The following VLDLR variants were observed in gnomAD, a reference collection of about 807,000 sequenced individuals.
The protein encoded by VLDLR is very low-density lipoprotein receptor.
In VLDLR, 81 loss-of-function variants were observed where a neutral mutation model predicts 112.7. That is an observed-to-expected ratio of 0.72 (90% CI 0.60 to 0.86). The LOEUF is 0.86. Among genes scored for constraint, VLDLR ranks in the 40% least tolerant of loss-of-function variants. The probability of loss-of-function intolerance (pLI) is 0.00; values close to 1 mark genes in which losing one functional copy is unlikely to be tolerated. For missense variants in VLDLR, 1,237 were observed against 1,099.4 expected, an observed-to-expected ratio of 1.13 and a Z score of -1.77; for synonymous variants, 436 against 384.8, an observed-to-expected ratio of 1.13 and a Z score of -1.56.
At chr9:2,650,928 T>A (rs1338372792) in intron 15 of VLDLR, among the ~76,000 whole-genome samples, 3 of 152,140 alleles carry the variant, frequency 2.0e-5, no homozygotes, top group African/African-American at 7.2e-5. Flanking sequence ...GAATTTGCAT[T>A]TAGTCTTCTG....
At chr9:2,642,867 T>G (rs1422876442) in intron 4 of VLDLR, among the ~76,000 whole-genome samples, 1 of 152,236 alleles carries the variant, frequency 6.6e-6, no homozygotes, top group African/African-American at 2.4e-5. Flanking sequence ...TGTTACAGTT[T>G]GTTATTTATG....
chr9:2,649,065 C>T (rs1187991434), intron 14 of VLDLR, among the ~76,000 whole-genome samples: 1 of 152,180 alleles, frequency 6.6e-6, no homozygotes, highest in East Asian at 1.9e-4. Context: ...TCATTCATGT[C>T]CCCTTGGCCT....
chr9:2,628,357 C>A (rs1263446627), intron 1 of VLDLR, among the ~76,000 whole-genome samples: 1 of 152,130 alleles, frequency 6.6e-6, no homozygotes, highest in Non-Finnish European at 1.5e-5. Flanking sequence ...ACAAGGGCAA[C>A]ATGAACAAAC....
chr9:2,638,615 T>G (rs996383280), intron 2 of VLDLR, among the ~76,000 whole-genome samples: 6 of 152,298 alleles, frequency 3.9e-5, no homozygotes, highest in Non-Finnish European at 8.8e-5. Context: ...CCTTCATGGG[T>G]AGGATAATCA....
rs887347616 is a variant in VLDLR at position 2,652,092 on chromosome 9, C to A, written c.2416+138C>A. On this transcript the variant is annotated intron_variant, in intron 17 of 18. Coordinates refer to ENST00000382100, the MANE Select transcript of VLDLR (RefSeq NM_003383.5). ...TGACACTGAATTACGTTCGCTTTCTCCCCCACATAATACACTAAATTAAGG... is the reference window on the plus strand; with the variant it reads ...TGACACTGAATTACGTTCGCTTTCTACCCCACATAATACACTAAATTAAGG... The A allele has an allele frequency of 8.9e-6, 7 of 785,936 alleles. No homozygotes were observed. The African/African-American group carries it at 1.2e-4, about 14-fold the overall frequency. The allele number at this position is 785,936 out of a possible 1,614,324, so 48.7% of individuals were successfully genotyped here. A position where few individuals can be genotyped will look rare whatever the true frequency, so the allele number is the denominator to read the frequency against.
chr9:2,623,330 T>C (rs1816925719), intron 1 of VLDLR, among the ~76,000 whole-genome samples: 1 of 152,200 alleles, frequency 6.6e-6, no homozygotes, highest in South Asian at 2.1e-4. Flanking sequence ...GTCGGAATCC[T>C]AGCGCGTCCC....
intron 10 of VLDLR, 137 bp downstream of exon 10, chr9:2,645,882 T>C (rs563770253): frequency 2.1e-6 from 2 of 936,714 alleles, no homozygotes; most frequent in Admixed American, 2.3e-5. Context: ...TTAAATCTAA[T>C]GCTAATTCTT....
chr9:2,650,204 C>G (rs1818259239), intron 14 of VLDLR, among the ~76,000 whole-genome samples, 166 bp from the exon 15 acceptor site: 1 of 152,156 alleles, frequency 6.6e-6, no homozygotes, highest in Admixed American at 6.5e-5. Context: ...CTGCCTGTAC[C>G]TGTATACTTA....
rs769220634 is a variant in VLDLR, at chr9:2,646,561, T to C, written c.1703+9T>C. On this transcript the variant is annotated intron_variant, in intron 11 of 18. Coordinates refer to ENST00000382100, the MANE Select transcript of VLDLR (RefSeq NM_003383.5). ...GTGGACCCACTGTCTGGGTTTGTAG[T>C]CTGTTTTCCATCACAGACTTTGGAA... The C allele has an allele frequency of 3.7e-6, 6 of 1,613,656 alleles. No homozygotes were observed. The highest frequency in any genetic ancestry group is 5.1e-6 in the Non-Finnish European group (6 of 1,179,710).
rs148182787 is a variant in VLDLR at position 2,653,729 on chromosome 9, T to A, written c.2587-104T>A. ...TGACTGACTTTTCTTCTAAGCACTC[T>A]GAGTGTTTGAATGACCAACTCAAAA... On this transcript the variant is annotated intron_variant, in intron 18 of 18. Coordinates refer to ENST00000382100, the MANE Select transcript of VLDLR (RefSeq NM_003383.5). 1.8e-3 allele frequency: 2,159 copies of A among 1,183,074 alleles called. 41 individuals are homozygous for A. In the African/African-American group the frequency reaches 0.029, roughly 16 times the overall value. 73.3% of individuals were successfully genotyped at this position (1,183,074 alleles called of 1,614,324 possible). A position where few individuals can be genotyped will look rare whatever the true frequency, so the allele number is the denominator to read the frequency against.
At chr9:2,629,843 C>G (rs7029044) in intron 1 of VLDLR, among the ~76,000 whole-genome samples, 9,283 of 152,262 alleles carry the variant, frequency 0.061, 327 homozygotes, top group East Asian at 0.15. Flanking sequence ...GTTGCCCAGG[C>G]TGGAGTGCAA....
In VLDLR at chr9:2,622,154, G is replaced by A; in HGVS notation, c.-36G>A. On this transcript the variant is annotated 5_prime_UTR_variant, in exon 1 of 19. Transcript: ENST00000382100. Reference sequence around the variant, plus strand: ...CTTGTCGTGCGGAGCGAACGGCGGCGGCGGCGGCGGCGGCGGCACCATCCA... The same window carrying A: ...CTTGTCGTGCGGAGCGAACGGCGGCAGCGGCGGCGGCGGCGGCACCATCCA... The A allele has an allele frequency of 1.7e-6, 1 of 601,264 alleles. No individual in the cohort carries two copies. Among genetic ancestry groups the A allele is most frequent in the South Asian group, 2.2e-5 (1 of 45,638 alleles). The allele number at this position is 601,264 out of a possible 1,614,324, so 37.2% of individuals were successfully genotyped here.
Position 2,658,126 on chromosome 9 carries a change from C to G in VLDLR, c.*4258C>G, listed in dbSNP as rs1818671749. On this transcript the variant is annotated 3_prime_UTR_variant, in exon 19 of 19. Transcript: ENST00000382100. ...GGAGGATTTTTAGCCGAAACAGTTG[C>G]ATGTGAAGGATTATCAGCCATCTTT... is the stretch of plus-strand genomic sequence containing the variant. The G allele has an allele frequency of 6.6e-6, 1 of 152,198 alleles. No homozygotes were observed. The highest frequency in any genetic ancestry group is 2.1e-4 in the South Asian group (1 of 4,832). The allele number at this position is 152,198 out of a possible 1,614,324, so 9.4% of individuals were successfully genotyped here.
intron 2 of VLDLR, among the ~76,000 whole-genome samples, chr9:2,637,968 A>G (rs1299816940): frequency 6.6e-6 from 1 of 151,978 alleles, no homozygotes. Flanking sequence ...AATAAATAAA[A>G]AATCAATCAA....
Position 2,651,508 on chromosome 9 carries a change from T to C in VLDLR, c.2335+10T>C, listed in dbSNP as rs1818335765. 1 of 1,608,818 alleles carries C rather than the reference T, an allele frequency of 6.2e-7. No homozygotes were observed. Among genetic ancestry groups the C allele is most frequent in the South Asian group, 1.1e-5 (1 of 90,936 alleles). ...GGACTAGTTCCTGGAGGTATTGAGTTCAGTACTGCAAACTGTTAATCTCAA... is the reference window on the plus strand; with the variant it reads ...GGACTAGTTCCTGGAGGTATTGAGTCCAGTACTGCAAACTGTTAATCTCAA... On this transcript the variant is annotated intron_variant, in intron 16 of 18. Coordinates refer to ENST00000382100, the MANE Select transcript of VLDLR (RefSeq NM_003383.5).
chr9:2,632,625 G>C (rs1377928330), intron 1 of VLDLR, among the ~76,000 whole-genome samples: 1 of 152,194 alleles, frequency 6.6e-6, no homozygotes, highest in African/African-American at 2.4e-5. Flanking sequence ...GGTGCTTTCA[G>C]TTCTCCTAGA....
chr9:2,650,194 C>T (rs1196827216), intron 14 of VLDLR, among the ~76,000 whole-genome samples, 176 bp from the exon 15 acceptor site: 2 of 152,142 alleles, frequency 1.3e-5, no homozygotes, highest in Admixed American at 6.5e-5. Flanking sequence ...TTAGAGCATG[C>T]TGCCTGTACC....
chr9:2,651,655 C>G (rs1024956730), intron 16 of VLDLR, among the ~76,000 whole-genome samples, 157 bp downstream of exon 16: 12 of 152,188 alleles, frequency 7.9e-5, no homozygotes. Context: ...ATATCTTTTC[C>G]TGACTGATCT....
At position 2,654,476 on chromosome 9, in the gene VLDLR, C is replaced by T. The variant is rs1268029960; in HGVS notation, c.*608C>T. 2 of 159,266 alleles carry T rather than the reference C, an allele frequency of 1.3e-5. No homozygotes were observed. The highest frequency in any genetic ancestry group is 5.9e-5 in the Admixed American group (1 of 16,866). 9.9% of individuals were successfully genotyped at this position (159,266 alleles called of 1,614,324 possible). Reference sequence around the variant, plus strand: ...AGTGCTAAAAAATTAAACCAAGCAGCTTAACCATGGTTTGTGCCTGTTCCT... The same window carrying T: ...AGTGCTAAAAAATTAAACCAAGCAGTTTAACCATGGTTTGTGCCTGTTCCT... On this transcript the variant is annotated 3_prime_UTR_variant, in exon 19 of 19. Coordinates refer to ENST00000382100, the MANE Select transcript of VLDLR (RefSeq NM_003383.5).
Sources: gnomAD v4.1 joint callset for allele counts (sites outside exome capture counted in the v4.1 genomes callset) on GRCh38, gnomAD v4.1.1 for gene constraint, MANE v1.5 for transcripts, NCBI Gene and HGNC (gene_info 2026-07-23, HGNC 2026-07-21) for gene names.